Variants in CFAP299 observed in about 807,000 individuals in gnomAD.
CFAP299 encodes the protein cilia- and flagella-associated protein 299.
A neutral mutation model predicts 27.0 loss-of-function variants in CFAP299; 21 were observed. The observed-to-expected ratio is 0.78, with a 90% CI of 0.55 to 1.12. CFAP299 has a LOEUF of 1.12. Among genes scored for constraint, CFAP299 ranks in the 50% most tolerant of loss-of-function variants. The pLI is 0.00. For synonymous variants in CFAP299, 104 were observed against 98.1 expected (o/e 1.06, Z -0.36); for missense variants, 310 against 276.6 (o/e 1.12, Z -0.86).
At chr4:80,482,608 T>C (rs1302184471) in intron 2 of CFAP299, among the ~76,000 whole-genome samples, 1 of 152,156 alleles carries the variant, frequency 6.6e-6, no homozygotes, top group African/African-American at 2.4e-5. Flanking sequence ...TATATTGTTT[T>C]CAGTGATGGA....
chr4:80,780,376 A>G (rs149313996), intron 3 of CFAP299, among the ~76,000 whole-genome samples: 100 of 152,242 alleles, frequency 6.6e-4, no homozygotes, highest in African/African-American at 2.3e-3. Flanking sequence ...TCAGAGTCCC[A>G]TCTTCACCAC....
At chr4:80,354,935 G>T (rs2109988957) in intron 1 of CFAP299, among the ~76,000 whole-genome samples, 1 of 152,190 alleles carries the variant, frequency 6.6e-6, no homozygotes, top group South Asian at 2.1e-4. Flanking sequence ...TGGGCATTTA[G>T]ATTGAATCTA....
At chr4:80,890,993 C>T (rs201129763) in intron 4 of CFAP299, among the ~76,000 whole-genome samples, 1 of 152,020 alleles carries the variant, frequency 6.6e-6, no homozygotes, top group Non-Finnish European at 1.5e-5. Flanking sequence ...TGCGAAAATT[C>T]TCTCCATTTT....
At chr4:80,880,907 C>T (rs984782859) in intron 4 of CFAP299, among the ~76,000 whole-genome samples, 1 of 152,118 alleles carries the variant, frequency 6.6e-6, no homozygotes, top group Admixed American at 6.5e-5. Flanking sequence ...TGTGCCTGGC[C>T]ACCTAGCCTC....
At chr4:80,604,066 T>G (rs1486565270) in intron 3 of CFAP299, among the ~76,000 whole-genome samples, 1 of 152,204 alleles carries the variant, frequency 6.6e-6, no homozygotes, top group Non-Finnish European at 1.5e-5. Context: ...AATTTTTACT[T>G]GTTGAAACCA....
chr4:80,835,282 TAG>T (rs1035387975), intron 3 of CFAP299, among the ~76,000 whole-genome samples: 2 of 152,064 alleles, frequency 1.3e-5, no homozygotes, highest in African/African-American at 2.4e-5. Flanking sequence ...TGTATTTTAG[TAG>T]AGACGGGGTT....
chr4:80,516,154 G>A (rs889311611), intron 2 of CFAP299, among the ~76,000 whole-genome samples: 3 of 151,590 alleles, frequency 2.0e-5, no homozygotes, highest in Admixed American at 6.6e-5. Flanking sequence ...CCAAGTAGCT[G>A]GGATTACAGG....
chr4:80,879,000 G>T (rs1320441405), intron 4 of CFAP299, among the ~76,000 whole-genome samples: 1 of 151,990 alleles, frequency 6.6e-6, no homozygotes, highest in Non-Finnish European at 1.5e-5. Flanking sequence ...TATTTCTACT[G>T]TCCTATAGCT....
At chr4:80,674,668 G>A (rs1477667503) in intron 3 of CFAP299, among the ~76,000 whole-genome samples, 3 of 152,102 alleles carry the variant, frequency 2.0e-5, no homozygotes, top group East Asian at 1.9e-4. Context: ...CTGATCAAAC[G>A]AAGATTTGGT....
chr4:80,371,648 C>T (rs1346702020), intron 2 of CFAP299, among the ~76,000 whole-genome samples: 1 of 152,082 alleles, frequency 6.6e-6, no homozygotes, highest in Non-Finnish European at 1.5e-5. Flanking sequence ...AAAAGTTCCA[C>T]AGATCCCTAG....
chr4:80,768,094 A>G (rs1725997793), intron 3 of CFAP299, among the ~76,000 whole-genome samples: 1 of 152,230 alleles, frequency 6.6e-6, no homozygotes, highest in South Asian at 2.1e-4. Flanking sequence ...CATTTTAACA[A>G]GTGCAGTCCA....
chr4:80,377,482 C>T (rs1724477267), intron 2 of CFAP299, among the ~76,000 whole-genome samples: 1 of 151,740 alleles, frequency 6.6e-6, no homozygotes, highest in Admixed American at 6.6e-5. Context: ...ATTTATATGT[C>T]TATCTTTATG....
chr4:80,407,351 C>T (rs1300689728), intron 2 of CFAP299, among the ~76,000 whole-genome samples: 3 of 152,124 alleles, frequency 2.0e-5, no homozygotes, highest in Non-Finnish European at 4.4e-5. Flanking sequence ...GGGCTCAGTC[C>T]TGCTGCTGTA....
Position 80,436,924 on chromosome 4 carries a change from C to T in CFAP299, c.242+74040C>T, listed in dbSNP as rs149780373. Reference sequence around the variant, plus strand: ...TGTTTAATAACAATAATATTAAAATCAAAGTGGCATAAAAAATAAGCATTT... The same window carrying T: ...TGTTTAATAACAATAATATTAAAATTAAAGTGGCATAAAAAATAAGCATTT... On this transcript the variant is annotated intron_variant, in intron 2 of 5. Transcript: ENST00000358105. 3.7e-3 allele frequency among the ~76,000 whole-genome samples: 566 copies of T among 152,142 alleles called. 3 individuals carry two copies. Among genetic ancestry groups the T allele is most frequent in the African/African-American group, 0.013 (535 of 41,498 alleles).
At chr4:80,554,505 GTT>G (rs869288835) in intron 2 of CFAP299, among the ~76,000 whole-genome samples, 8,172 of 108,312 alleles carry the variant, frequency 0.075, 119 homozygotes, top group Non-Finnish European at 0.089. Flanking sequence ...TTTTCCACTA[GTT>G]TTTTTTTTTT....
At chr4:80,715,513 C>T (rs180802717) in intron 3 of CFAP299, among the ~76,000 whole-genome samples, 2 of 151,958 alleles carry the variant, frequency 1.3e-5, no homozygotes, top group Admixed American at 6.6e-5. Flanking sequence ...CTTTTAATTT[C>T]CTGAGGGTTG....
intron 2 of CFAP299, among the ~76,000 whole-genome samples, chr4:80,380,997 C>T (rs183571900): frequency 6.1e-4 from 93 of 152,164 alleles, no homozygotes; most frequent in African/African-American, 2.2e-3. Flanking sequence ...ATTTGGATCT[C>T]TCCCAAATGA....
chr4:80,810,940 T>C (rs1016139825), intron 3 of CFAP299, among the ~76,000 whole-genome samples: 5 of 152,160 alleles, frequency 3.3e-5, no homozygotes, highest in African/African-American at 1.2e-4. Context: ...CCCACTCATG[T>C]GGTTCTTACC....
intron 2 of CFAP299, among the ~76,000 whole-genome samples, chr4:80,418,425 G>A (rs1277877628): frequency 6.6e-6 from 1 of 151,958 alleles, no homozygotes; most frequent in Non-Finnish European, 1.5e-5. Context: ...TGAATTTTGA[G>A]TACAATGTGA....
Sources: gnomAD v4.1 joint callset for allele counts (sites outside exome capture counted in the v4.1 genomes callset) on GRCh38, gnomAD v4.1.1 for gene constraint, MANE v1.5 for transcripts, NCBI Gene and HGNC (gene_info 2026-07-23, HGNC 2026-07-21) for gene names.